The following L3MBTL3 variants were observed in gnomAD, a reference collection of about 807,000 sequenced individuals.
L3MBTL3 encodes the protein L3MBTL histone methyl-lysine binding protein 3.
L3MBTL3 carries 27 observed loss-of-function variants against 102.3 expected under a neutral mutation model. The ratio of observed to expected loss-of-function variants is 0.26; its 90% CI spans 0.19 to 0.36. The LOEUF is 0.36. Among genes scored for constraint, L3MBTL3 ranks in the 10% least tolerant of loss-of-function variants. The pLI, the probability that L3MBTL3 is intolerant of heterozygous loss-of-function variation, is 1.00. For synonymous variants in L3MBTL3, 340 were observed against 320.9 expected, an observed-to-expected ratio of 1.06 and a Z score of -0.64; for missense variants, 798 against 955.3, an observed-to-expected ratio of 0.84 and a Z score of 2.17.
chr6:130,057,544 G>T, intron 9 of L3MBTL3, 47 bp downstream of exon 9: 2 of 1,377,776 alleles, frequency 1.5e-6, no homozygotes, highest in African/African-American at 1.4e-5. Context: ...CAGGAGCTGG[G>T]ATACCAGCCT....
chr6:130,057,317 G>GT, intron 8 of L3MBTL3, 89 bp from the exon 9 acceptor site: 2 of 939,212 alleles, frequency 2.1e-6, no homozygotes, highest in Non-Finnish European at 3.4e-6. Context: ...GCCAGGCAGC[G>GT]TATCAGTCAG....
At position 130,040,759 on chromosome 6, in the gene L3MBTL3, A is replaced by T. The variant is rs12216043; in HGVS notation, c.-15-1926A>T. Reference sequence around the variant, plus strand: ...TGTTAAGTGAAAAAGGCATTCCGTTAAAAACCAGGAGCTTGCATCCATGGT... The same window carrying T: ...TGTTAAGTGAAAAAGGCATTCCGTTTAAAACCAGGAGCTTGCATCCATGGT... On this transcript the variant is annotated intron_variant, in intron 2 of 22. Coordinates refer to ENST00000361794, the MANE Select transcript of L3MBTL3 (RefSeq NM_032438.4). 3.5e-3 allele frequency among the ~76,000 whole-genome samples: 526 copies of T among 152,386 alleles called. 2 individuals carry two copies. The highest frequency in any genetic ancestry group is 5.0e-3 in the Non-Finnish European group (337 of 68,040).
intron 22 of L3MBTL3, 82 bp from the exon 23 acceptor site, chr6:130,139,528 A>G: frequency 7.7e-7 from 1 of 1,293,440 alleles, no homozygotes; most frequent in South Asian, 1.2e-5. Flanking sequence ...TGTAGAAGAC[A>G]GCTGGTAATT....
chr6:130,029,836 T>C (rs543107596), intron 2 of L3MBTL3, among the ~76,000 whole-genome samples: 26 of 152,242 alleles, frequency 1.7e-4, no homozygotes, highest in Non-Finnish European at 2.6e-4. Context: ...CCTCCTCTTT[T>C]TGAGACAGAG....
intron 6 of L3MBTL3, among the ~76,000 whole-genome samples, 180 bp from the exon 7 acceptor site, chr6:130,052,679 A>G (rs1781181062): frequency 6.6e-6 from 1 of 152,174 alleles, no homozygotes; most frequent in Admixed American, 6.5e-5. Context: ...GTCATATGTA[A>G]TAGTTGTTTT....
At chr6:130,122,039 T>A (rs966619555) in intron 20 of L3MBTL3, among the ~76,000 whole-genome samples, 2 of 152,160 alleles carry the variant, frequency 1.3e-5, no homozygotes, top group Admixed American at 6.6e-5. Flanking sequence ...GAGCGAGTGG[T>A]TTAATTAAGC....
chr6:130,043,751 A>G (rs1212396900), intron 3 of L3MBTL3, among the ~76,000 whole-genome samples: 2 of 152,166 alleles, frequency 1.3e-5, no homozygotes, highest in Admixed American at 1.3e-4. Flanking sequence ...GCTGCTTGAC[A>G]AGTATCCTAG....
At chr6:130,105,713 G>A (rs1323366949) in intron 19 of L3MBTL3, among the ~76,000 whole-genome samples, 2 of 151,822 alleles carry the variant, frequency 1.3e-5, no homozygotes, top group African/African-American at 4.8e-5. Context: ...TGACTAAAAC[G>A]GTGGTAAGAA....
At position 130,094,343 on chromosome 6, in the gene L3MBTL3, G is replaced by C. The variant is rs749202131; in HGVS notation, c.1712G>C (p.Arg571Thr). Reference protein sequence around the residue: ...PGCKGIGHFKRARHLGPHSAA... With the variant: ...PGCKGIGHFKTARHLGPHSAA... ...TGTAAAGGGATTGGCCATTTCAAGA[G>C]AGCGAGACATCTGGGCCCTCACAGG... The change falls in exon 18 of 23, where the codon AGA (arginine) becomes ACA (threonine). Residue 571 changes from arginine to threonine, a missense_variant. Around this residue, in one of 4 missense-constraint regions of L3MBTL3, gnomAD observed 306 missense variants for 314.4 expected, o/e 0.97. Coordinates refer to ENST00000361794, the MANE Select transcript of L3MBTL3 (RefSeq NM_032438.4). 3 of 1,613,742 alleles carry C rather than the reference G, an allele frequency of 1.9e-6. No homozygotes were observed. The highest frequency in any genetic ancestry group is 2.2e-5 in the East Asian group (1 of 44,862).
At chr6:130,038,762 G>A (rs1471503779) in intron 2 of L3MBTL3, among the ~76,000 whole-genome samples, 3 of 151,922 alleles carry the variant, frequency 2.0e-5, no homozygotes, top group South Asian at 2.1e-4. Context: ...GTGCAGAATC[G>A]TTTTAGTTTC....
intron 2 of L3MBTL3, among the ~76,000 whole-genome samples, chr6:130,037,050 T>G (rs926785946): frequency 6.6e-6 from 1 of 152,182 alleles, no homozygotes; most frequent in Admixed American, 6.5e-5. Context: ...AATCCCTGTT[T>G]TTCTGAAAAA....
At chr6:130,127,184 G>A (rs1786664276) in intron 20 of L3MBTL3, among the ~76,000 whole-genome samples, 1 of 152,176 alleles carries the variant, frequency 6.6e-6, no homozygotes, top group Non-Finnish European at 1.5e-5. Context: ...ATGACTTTTA[G>A]TGGTTAAATC....
chr6:130,113,000 A>C (rs1257701953), intron 19 of L3MBTL3, among the ~76,000 whole-genome samples: 1 of 152,158 alleles, frequency 6.6e-6, no homozygotes. Flanking sequence ...CCTAGAGGCA[A>C]GATGTTGAGG....
intron 19 of L3MBTL3, among the ~76,000 whole-genome samples, chr6:130,112,163 C>G (rs550838862): frequency 2.0e-5 from 3 of 152,296 alleles, no homozygotes; most frequent in African/African-American, 7.2e-5. Flanking sequence ...ATCTCACGTC[C>G]CAATGCTGTT....
chr6:130,033,735 C>T (rs1002150242), intron 2 of L3MBTL3, among the ~76,000 whole-genome samples: 1 of 152,202 alleles, frequency 6.6e-6, no homozygotes, highest in African/African-American at 2.4e-5. Context: ...CGTAGTATTT[C>T]TATACCTTAT....
chr6:130,051,525 C>G, intron 6 of L3MBTL3, 117 bp downstream of exon 6: 2 of 940,100 alleles, frequency 2.1e-6, no homozygotes, highest in South Asian at 3.5e-5. Context: ...ACCTTTTTCC[C>G]AGAGACTTTT....
intron 20 of L3MBTL3, among the ~76,000 whole-genome samples, chr6:130,126,319 T>C (rs1786606085): frequency 6.6e-6 from 1 of 152,174 alleles, no homozygotes; most frequent in African/African-American, 2.4e-5. Flanking sequence ...AATTCTACTT[T>C]ATAACATGCC....
intron 13 of L3MBTL3, among the ~76,000 whole-genome samples, chr6:130,075,696 G>C (rs76661166): frequency 1.3e-5 from 2 of 152,126 alleles, no homozygotes; most frequent in African/African-American, 2.4e-5. Context: ...GAGCATTTTT[G>C]AGCTTGGTTT....
Position 130,121,051 on chromosome 6 carries a change from TA to T in L3MBTL3, c.1966+98del, listed in dbSNP as rs1786143386. On this transcript the variant is annotated intron_variant, in intron 20 of 22. Transcript: ENST00000361794. ...TGGAATACAACAGTCTCTTTTATGT[TA>T]AAAATGAATTTTATTTTTTATTTTT... 3 of 793,598 alleles carry T rather than the reference TA, an allele frequency of 3.8e-6. No homozygotes were observed. The South Asian group carries it at 5.5e-5, about 14-fold the overall frequency. 49.2% of individuals were successfully genotyped at this position (793,598 alleles called of 1,614,324 possible).
Sources: allele counts gnomAD v4.1 joint callset (sites outside exome capture counted in the v4.1 genomes callset), GRCh38; gene constraint gnomAD v4.1.1; regional missense constraint gnomAD v4.1.1; transcripts MANE v1.5; gene names NCBI Gene and HGNC (gene_info 2026-07-23, HGNC 2026-07-21).